Variants in RABGAP1L observed in about 807,000 individuals in gnomAD.
The protein encoded by RABGAP1L is RAB GTPase activating protein 1 like, also known as rab GTPase-activating protein 1-like.
A neutral mutation model predicts 137.7 loss-of-function variants in RABGAP1L; 63 were observed. The observed-to-expected ratio is 0.46, with a 90% CI of 0.37 to 0.56. The LOEUF is 0.56. RABGAP1L is among the 20% of genes least tolerant of loss of function. RABGAP1L has a pLI of 0.00. For synonymous variants in RABGAP1L, 431 were observed against 433.7 expected (o/e 0.99, Z 0.08); for missense variants, 1,095 against 1,244.0 (o/e 0.88, Z 1.80).
chr1:174,416,659 G>C (rs1650628830), intron 13 of RABGAP1L, among the ~76,000 whole-genome samples: 1 of 152,074 alleles, frequency 6.6e-6, no homozygotes, highest in South Asian at 2.1e-4. Flanking sequence ...AAACGTGTTT[G>C]TCATGCAAGA....
At chr1:174,246,896 C>A (rs1488391053) in intron 5 of RABGAP1L, among the ~76,000 whole-genome samples, 1 of 152,136 alleles carries the variant, frequency 6.6e-6, no homozygotes, top group Non-Finnish European at 1.5e-5. Context: ...CTCTAGAATT[C>A]ACAATATATT....
chr1:174,184,762 G>C (rs1024635212), intron 1 of RABGAP1L, among the ~76,000 whole-genome samples: 2 of 152,156 alleles, frequency 1.3e-5, no homozygotes, highest in Admixed American at 6.5e-5. Flanking sequence ...TTCTTGCCTA[G>C]AGTCTCTGCT....
At chr1:174,315,455 C>T (rs1679281342) in intron 11 of RABGAP1L, among the ~76,000 whole-genome samples, 1 of 152,104 alleles carries the variant, frequency 6.6e-6, no homozygotes, top group Non-Finnish European at 1.5e-5. Flanking sequence ...TTTAGCCAGT[C>T]TGTGTCTTTT....
At chr1:174,972,853 CAAAAAAAAAAAAAAAAAA>C (rs373159573) in intron 21 of RABGAP1L, among the ~76,000 whole-genome samples, 2 of 52,826 alleles carry the variant, frequency 3.8e-5, no homozygotes, top group African/African-American at 1.5e-4. Context: ...GACTCTGTCT[CAAAAAAAAAAAAAAAAAA>C]AAAAAAATTA....
At chr1:174,656,510 A>G (rs905749471) in intron 14 of RABGAP1L, among the ~76,000 whole-genome samples, 2 of 152,236 alleles carry the variant, frequency 1.3e-5, no homozygotes, top group African/African-American at 4.8e-5. Flanking sequence ...TTTAGAATTT[A>G]CAGAGTTGTG....
intron 13 of RABGAP1L, among the ~76,000 whole-genome samples, chr1:174,478,161 T>C (rs1221637970): frequency 6.6e-6 from 1 of 152,136 alleles, no homozygotes; most frequent in African/African-American, 2.4e-5. Flanking sequence ...TTTTGAACTT[T>C]AGTCCCCTCT....
chr1:174,523,513 AAT>A (rs1230894713), intron 13 of RABGAP1L, among the ~76,000 whole-genome samples: 1 of 152,240 alleles, frequency 6.6e-6, no homozygotes, highest in Non-Finnish European at 1.5e-5. Flanking sequence ...ATTGATTCAT[AAT>A]ATGTTATGTA....
intron 13 of RABGAP1L, among the ~76,000 whole-genome samples, chr1:174,568,400 G>A (rs1041656320): frequency 1.3e-5 from 2 of 152,148 alleles, no homozygotes; most frequent in Non-Finnish European, 2.9e-5. Context: ...TAACATCAAA[G>A]TATTATTATG....
At chr1:174,506,455 G>A (rs1411670646) in intron 13 of RABGAP1L, among the ~76,000 whole-genome samples, 6 of 152,052 alleles carry the variant, frequency 3.9e-5, no homozygotes, top group South Asian at 4.2e-4. Context: ...ATGGCAGTAC[G>A]TCATTTAGAA....
chr1:174,383,471 G>C (rs746467076), intron 12 of RABGAP1L, among the ~76,000 whole-genome samples: 3 of 152,224 alleles, frequency 2.0e-5, no homozygotes, highest in Non-Finnish European at 2.9e-5. Flanking sequence ...CTCTGAGCCA[G>C]GTGTGGGATA....
intron 20 of RABGAP1L, among the ~76,000 whole-genome samples, chr1:174,959,209 AC>A (rs1405930966): frequency 1.3e-5 from 2 of 152,214 alleles, no homozygotes; most frequent in African/African-American, 4.8e-5. Flanking sequence ...CCTCAATAAA[AC>A]CAGCTTTTAA....
chr1:174,720,169 G>A (rs889456387), intron 17 of RABGAP1L, among the ~76,000 whole-genome samples: 1 of 152,092 alleles, frequency 6.6e-6, no homozygotes, highest in Non-Finnish European at 1.5e-5. Flanking sequence ...CAACAAGGAT[G>A]CCAAGACAAT....
chr1:174,729,322 TAACTC>T (rs1353205417), intron 17 of RABGAP1L, among the ~76,000 whole-genome samples: 5 of 152,114 alleles, frequency 3.3e-5, no homozygotes, highest in South Asian at 2.1e-4. Flanking sequence ...ATACAAAAAT[TAACTC>T]AAGAAGGATT....
At chr1:174,610,045 T>C (rs1014278844) in intron 13 of RABGAP1L, among the ~76,000 whole-genome samples, 2 of 150,926 alleles carry the variant, frequency 1.3e-5, no homozygotes, top group African/African-American at 4.8e-5. Flanking sequence ...TTTTTTTTCT[T>C]TTTTTAAATT....
At chr1:174,305,776 T>TA (rs1491174499) in intron 11 of RABGAP1L, among the ~76,000 whole-genome samples, 13 of 152,026 alleles carry the variant, frequency 8.6e-5, no homozygotes, top group African/African-American at 3.1e-4. Flanking sequence ...TATATATATA[T>TA]TTTTAATACT....
At chr1:174,303,682 T>C (rs911262613) in intron 10 of RABGAP1L, among the ~76,000 whole-genome samples, 2 of 152,166 alleles carry the variant, frequency 1.3e-5, no homozygotes, top group African/African-American at 2.4e-5. Flanking sequence ...AATACACTTA[T>C]TTGAAACTCA....
intron 19 of RABGAP1L, among the ~76,000 whole-genome samples, chr1:174,869,934 A>T (rs944585583): frequency 1.3e-5 from 2 of 152,160 alleles, no homozygotes; most frequent in African/African-American, 4.8e-5. Flanking sequence ...CAGAAATGTG[A>T]TAAATAAATT....
chr1:174,547,029 CAAA>C (rs375413887), intron 13 of RABGAP1L, among the ~76,000 whole-genome samples: 8 of 78,240 alleles, frequency 1.0e-4, no homozygotes, highest in African/African-American at 1.6e-4. Context: ...GACTCTGTCT[CAAA>C]AAAAAAAAAA....
At chr1:174,539,770 T>TATA (rs781457594) in intron 13 of RABGAP1L, among the ~76,000 whole-genome samples, 1 of 152,256 alleles carries the variant, frequency 6.6e-6, no homozygotes, top group East Asian at 1.9e-4. Flanking sequence ...CATGTGTCTT[T>TATA]ATAACAGCAT....
Sources: allele counts gnomAD v4.1 joint callset (sites outside exome capture counted in the v4.1 genomes callset), GRCh38; gene constraint gnomAD v4.1.1; transcripts MANE v1.5; gene names NCBI Gene and HGNC (gene_info 2026-07-23, HGNC 2026-07-21).